Variants in CA10 observed in about 807,000 individuals in gnomAD.
CA10 encodes the protein carbonic anhydrase 10 (inactive).
In CA10, 14 loss-of-function variants were observed where a neutral mutation model predicts 44.2. That is an observed-to-expected ratio of 0.32 (90% CI 0.21 to 0.50). The LOEUF is 0.50. CA10 is among the 20% of genes least tolerant of loss of function. CA10 has a pLI of 0.99. For missense variants in CA10, 350 were observed against 409.7 expected (o/e 0.85, Z 1.26); for synonymous variants, 159 against 141.6 (o/e 1.12, Z -0.87).
intron 1 of CA10, among the ~76,000 whole-genome samples, chr17:52,147,570 C>G (rs954700336): frequency 2.0e-5 from 3 of 149,998 alleles, no homozygotes; most frequent in Non-Finnish European, 4.4e-5. Context: ...AAACTCAGTG[C>G]TAAAACAAAC....
At chr17:51,989,469 T>G (rs1038333443) in intron 2 of CA10, among the ~76,000 whole-genome samples, 16 of 152,024 alleles carry the variant, frequency 1.1e-4, no homozygotes, top group Non-Finnish European at 1.5e-5. Flanking sequence ...CTCAAAGGAA[T>G]ATAAATTATT....
chr17:51,769,086 T>C (rs939388365), intron 3 of CA10, among the ~76,000 whole-genome samples: 3 of 152,250 alleles, frequency 2.0e-5, no homozygotes, highest in African/African-American at 7.2e-5. Context: ...ATGCCATCTG[T>C]TCTTGCCATT....
At chr17:51,774,608 T>A (rs1276866775) in intron 3 of CA10, among the ~76,000 whole-genome samples, 2 of 151,580 alleles carry the variant, frequency 1.3e-5, no homozygotes, top group Non-Finnish European at 2.9e-5. Flanking sequence ...TCCGGCTAAT[T>A]TTTTTTTGTA....
intron 2 of CA10, among the ~76,000 whole-genome samples, chr17:51,959,486 A>T (rs1345779192): frequency 6.6e-6 from 1 of 152,106 alleles, no homozygotes; most frequent in East Asian, 1.9e-4. Context: ...GAGAGTGAAG[A>T]GAAATCATGG....
At chr17:51,683,144 C>G (rs2143396851) in intron 4 of CA10, among the ~76,000 whole-genome samples, 1 of 152,276 alleles carries the variant, frequency 6.6e-6, no homozygotes, top group Non-Finnish European at 1.5e-5. Flanking sequence ...TTTGCCTGAC[C>G]CTTAATTCTA....
intron 4 of CA10, among the ~76,000 whole-genome samples, chr17:51,741,017 G>C (rs1369534250): frequency 1.3e-5 from 2 of 152,132 alleles, no homozygotes; most frequent in East Asian, 3.8e-4. Context: ...CCCCCCGCTA[G>C]ACTATAAGCA....
chr17:51,803,804 G>T (rs1019228002), intron 3 of CA10, among the ~76,000 whole-genome samples: 1 of 152,216 alleles, frequency 6.6e-6, no homozygotes, highest in Admixed American at 6.5e-5. Context: ...GAACCTGTAA[G>T]TTACTGAGCT....
chr17:51,655,278 AC>A (rs1341579532), intron 4 of CA10, among the ~76,000 whole-genome samples: 2 of 152,172 alleles, frequency 1.3e-5, no homozygotes, highest in Non-Finnish European at 2.9e-5. Context: ...TCTCTTATAA[AC>A]AATGTCACAG....
chr17:51,835,935 G>A (rs1285965831), intron 3 of CA10, among the ~76,000 whole-genome samples: 1 of 151,944 alleles, frequency 6.6e-6, no homozygotes, highest in African/African-American at 2.4e-5. Context: ...ACATAGAAGA[G>A]GAATGGAAGG....
At chr17:52,053,223 C>G (rs1026424283) in intron 2 of CA10, among the ~76,000 whole-genome samples, 7 of 152,032 alleles carry the variant, frequency 4.6e-5, no homozygotes, top group African/African-American at 1.7e-4. Flanking sequence ...CATTTCTAAC[C>G]CTCTCATTAA....
intron 2 of CA10, among the ~76,000 whole-genome samples, chr17:52,063,431 C>T (rs1987445395): frequency 6.6e-6 from 1 of 152,160 alleles, no homozygotes; most frequent in Non-Finnish European, 1.5e-5. Flanking sequence ...GTTTGAATAT[C>T]TGACCCTTCA....
intron 3 of CA10, among the ~76,000 whole-genome samples, chr17:51,918,841 C>G (rs893593917): frequency 6.6e-6 from 1 of 152,154 alleles, no homozygotes; most frequent in Non-Finnish European, 1.5e-5. Flanking sequence ...ACTAAAACAT[C>G]TAACTTTTTA....
intron 3 of CA10, among the ~76,000 whole-genome samples, chr17:51,750,837 C>G (rs1225320892): frequency 6.6e-6 from 1 of 152,234 alleles, no homozygotes; most frequent in African/African-American, 2.4e-5. Context: ...CTTCCTAACA[C>G]TTCTAGAAAT....
chr17:51,711,221 A>G (rs1387790614), intron 4 of CA10, among the ~76,000 whole-genome samples: 1 of 152,144 alleles, frequency 6.6e-6, no homozygotes, highest in African/African-American at 2.4e-5. Flanking sequence ...TGCAACTCAC[A>G]CTTAGGTTCA....
At chr17:51,793,685 T>C (rs1490540804) in intron 3 of CA10, among the ~76,000 whole-genome samples, 2 of 152,222 alleles carry the variant, frequency 1.3e-5, no homozygotes, top group Admixed American at 1.3e-4. Context: ...CAGCTGTTGA[T>C]TGGTAAATTA....
chr17:51,795,514 A>C (rs1367019094), intron 3 of CA10, among the ~76,000 whole-genome samples: 1 of 152,258 alleles, frequency 6.6e-6, no homozygotes, highest in African/African-American at 2.4e-5. Flanking sequence ...AAAAGGAAAA[A>C]GTATTTGCCA....
chr17:51,930,713 A>G (rs571637822), intron 3 of CA10, among the ~76,000 whole-genome samples: 150 of 152,212 alleles, frequency 9.9e-4, no homozygotes, highest in African/African-American at 3.2e-3. Context: ...GGTGGCCACT[A>G]TGCTTTCTGT....
rs563411538 is a variant in CA10, at chr17:51,968,384, C to T, written c.137-37252G>A. 3.3e-5 allele frequency among the ~76,000 whole-genome samples: 5 copies of T among 151,892 alleles called. No homozygotes were observed. The South Asian group carries it at 1.0e-3, about 31-fold the overall frequency. ...ATTCCATGTTATAGATGAAATACTA[C>T]TCAGTAATAAAAAGGAATCAATTGC... On this transcript the variant is annotated intron_variant, in intron 2 of 8. Transcript: ENST00000451037.
intron 3 of CA10, among the ~76,000 whole-genome samples, chr17:51,823,838 G>A (rs1907910491): frequency 6.6e-6 from 1 of 152,176 alleles, no homozygotes. Context: ...CATTTATTAA[G>A]TAATTAGGCT....
Sources: gnomAD v4.1 joint callset for allele counts (sites outside exome capture counted in the v4.1 genomes callset) on GRCh38, gnomAD v4.1.1 for gene constraint, MANE v1.5 for transcripts, NCBI Gene and HGNC (gene_info 2026-07-23, HGNC 2026-07-21) for gene names.